Variants in SOX30 observed in about 807,000 individuals in gnomAD.
SOX30 encodes the protein transcription factor SOX-30.
Under a neutral mutation model 58.6 loss-of-function variants are expected in SOX30, and 17 were observed. The observed-to-expected ratio is 0.29, with a 90% CI of 0.20 to 0.44. The LOEUF (loss-of-function observed/expected upper bound fraction) is 0.44. Among genes scored for constraint, SOX30 ranks in the 20% least tolerant of loss-of-function variants. The probability of loss-of-function intolerance (pLI) is 1.00; values close to 1 mark genes in which losing one functional copy is unlikely to be tolerated. For synonymous variants in SOX30, 421 were observed against 400.2 expected (o/e 1.05, Z -0.62); for missense variants, 951 against 965.8 (o/e 0.98, Z 0.20).
At chr5:157,645,397 T>C (rs1175420846) in intron 3 of SOX30, among the ~76,000 whole-genome samples, 1 of 152,066 alleles carries the variant, frequency 6.6e-6, no homozygotes, top group Non-Finnish European at 1.5e-5. Flanking sequence ...GATATGGTGG[T>C]TCACACTTAT....
At chr5:157,629,062 A>T (rs745522206) in intron 4 of SOX30, among the ~76,000 whole-genome samples, 15 of 152,188 alleles carry the variant, frequency 9.9e-5, no homozygotes, top group Non-Finnish European at 2.2e-4. Context: ...ATACAGTTAG[A>T]TAGAAGATGT....
chr5:157,649,114 A>G (rs916289899), intron 1 of SOX30, among the ~76,000 whole-genome samples: 2 of 152,026 alleles, frequency 1.3e-5, no homozygotes, highest in Non-Finnish European at 2.9e-5. Flanking sequence ...CTTTTCCTCA[A>G]AGAGGATAAT....
chr5:157,647,671 G>A (rs959518861), intron 2 of SOX30, among the ~76,000 whole-genome samples: 2 of 151,716 alleles, frequency 1.3e-5, no homozygotes, highest in African/African-American at 4.8e-5. Flanking sequence ...TCTCCTGCCT[G>A]AGCCTCCCAA....
intron 4 of SOX30, among the ~76,000 whole-genome samples, chr5:157,631,051 A>G (rs1439058743): frequency 2.7e-4 from 11 of 40,692 alleles, no homozygotes; most frequent in African/African-American, 8.6e-4. Context: ...TATATTTTAT[A>G]TATATATATA....
chr5:157,660,228 A>G (rs1235789305), intron 2 of SOX30, among the ~76,000 whole-genome samples: 3 of 152,190 alleles, frequency 2.0e-5, no homozygotes, highest in South Asian at 2.1e-4. Context: ...TTAGACCGAC[A>G]TGGGCAACGT....
intron 2 of SOX30, among the ~76,000 whole-genome samples, chr5:157,664,616 T>G (rs568588398): frequency 6.6e-6 from 1 of 152,234 alleles, no homozygotes; most frequent in African/African-American, 2.4e-5. Context: ...CTAATTAAAC[T>G]AAAGAGCTTC....
intron 2 of SOX30, among the ~76,000 whole-genome samples, chr5:157,662,754 T>C (rs1759600767): frequency 1.3e-5 from 2 of 152,212 alleles, no homozygotes; most frequent in Admixed American, 6.5e-5. Context: ...AAACCTTATA[T>C]CTGATAAGAA....
chr5:157,630,695 T>C (rs1446671192), intron 4 of SOX30, among the ~76,000 whole-genome samples: 1 of 151,444 alleles, frequency 6.6e-6, no homozygotes, highest in Non-Finnish European at 1.5e-5. Flanking sequence ...CTATTTTCAG[T>C]TCTGCCTTAG....
chr5:157,651,886 G>A lies in SOX30; in HGVS notation c.193C>T (p.Pro65Ser), dbSNP rs950501562. ...CGEAVASGLQPAVRRLLQVKP... is the reference protein window; with the variant it reads ...CGEAVASGLQSAVRRLLQVKP... The stretch of plus-strand genomic sequence containing the variant: ...ACCTGCAGCAGCCGCCGCACCGCGG[G>A]CTGTAAGCCGGACGCCACTGCCTCC... Residue 65 changes from proline (P) to serine (S), a missense_variant, in exon 1 of 5, where the codon CCC becomes TCC. Physicochemically the swap from Pro to Ser is moderately conservative, Grantham distance 74. Around this residue, in one of 7 missense-constraint regions of SOX30, gnomAD observed 363 missense variants for 294.5 expected, o/e 1.23. Transcript: ENST00000265007. 3.2e-6 allele frequency: 5 copies of A among 1,544,798 alleles called. No homozygotes were observed. The African/African-American group carries it at 4.1e-5, about 13-fold the overall frequency.
At chr5:157,628,666 G>C (rs1476832801) in intron 4 of SOX30, among the ~76,000 whole-genome samples, 1 of 141,814 alleles carries the variant, frequency 7.1e-6, no homozygotes, top group Non-Finnish European at 1.5e-5. Flanking sequence ...TTTTGAGACA[G>C]AGTCTCGCTC....
chr5:157,626,589 A>C lies in SOX30; in HGVS notation c.2013T>G (p.Ser671=), dbSNP rs1191197018. Residue 671 remains serine (S), a synonymous_variant, in exon 5 of 5, where the codon TCT becomes TCG. Coordinates refer to ENST00000265007, the MANE Select transcript of SOX30 (RefSeq NM_178424.2). The stretch of plus-strand genomic sequence containing the variant: ...TGCATTCACTTGAGTAGTCTCTAAA[A>C]GAATAGTCTCTATTTAAAGTTGAAA... ...GIFSTLNRDY[S]FRDYSSECTH... 1 of 1,614,196 alleles carries C rather than the reference A, an allele frequency of 6.2e-7. No homozygotes were observed. Among genetic ancestry groups the C allele is most frequent in the South Asian group, 1.1e-5 (1 of 91,078 alleles).
rs745813885 is a variant in SOX30, at chr5:157,651,952, G to C, written c.127C>G (p.Leu43Val). The C allele has an allele frequency of 6.8e-7, 1 of 1,479,278 alleles. No homozygotes were observed. Among genetic ancestry groups the C allele is most frequent in the Non-Finnish European group, 8.9e-7 (1 of 1,119,864 alleles). The allele number at this position is 1,479,278 out of a possible 1,614,324, so 91.6% of individuals were successfully genotyped here. A position where few individuals can be genotyped will look rare whatever the true frequency, so the allele number is the denominator to read the frequency against. Reference sequence around the variant, plus strand: ...AAGGTCGCACTGGCTGCCGCGCTCAGTGTGGGAGACGACGGAGGGGGCTCC... The same window carrying C: ...AAGGTCGCACTGGCTGCCGCGCTCACTGTGGGAGACGACGGAGGGGGCTCC... Reference protein sequence around the residue: ...AMEPPPSSPTLSAAASATLAS... With the variant: ...AMEPPPSSPTVSAAASATLAS... Residue 43 changes from leucine (L) to valine (V), a missense_variant, in exon 1 of 5, where the codon CTG (leucine) becomes GTG (valine). Leu to Val is a conservative substitution (Grantham distance 32). Around this residue, in one of 7 missense-constraint regions of SOX30, gnomAD observed 363 missense variants for 294.5 expected, o/e 1.23. Coordinates refer to ENST00000265007, the MANE Select transcript of SOX30 (RefSeq NM_178424.2).
chr5:157,666,664 A>C (rs1330680675), intron 2 of SOX30, among the ~76,000 whole-genome samples: 1 of 152,092 alleles, frequency 6.6e-6, no homozygotes, highest in Admixed American at 6.5e-5. Flanking sequence ...AATCCTCCCA[A>C]CAGCAGAATA....
chr5:157,632,983 G>A (rs1758847172), intron 4 of SOX30, among the ~76,000 whole-genome samples: 2 of 152,142 alleles, frequency 1.3e-5, no homozygotes, highest in South Asian at 2.1e-4. Context: ...TAGCTACTCA[G>A]GAGGCTGAGG....
At chr5:157,653,624 AAAAC>A (rs1201134772), upstream of SOX30, among the ~76,000 whole-genome samples, 1 of 152,232 alleles carries the variant, frequency 6.6e-6, no homozygotes, top group Non-Finnish European at 1.5e-5. Flanking sequence ...ATCACCAAGA[AAAAC>A]AAAAAGAAAT....
In SOX30 at chr5:157,631,041, TATATTTTATATATATATATATATATATAC is replaced by T. The variant is rs1758787713; in HGVS notation, c.1881-4349_1881-4321del. Among the ~76,000 whole-genome samples, 4 of 44,866 alleles carry T rather than the reference TATATTTTATATATATATATATATATATAC, an allele frequency of 8.9e-5. No individual in the cohort carries two copies. In the Admixed American group the frequency reaches 9.3e-4, roughly 10 times the overall value. 29.4% of individuals were successfully genotyped at this position (44,866 alleles called of 152,430 possible). A position where few individuals can be genotyped will look rare whatever the true frequency, so the allele number is the denominator to read the frequency against. ...ATATTTTATATATATATACAATATA[TATATTTTATATATATATATATATATATAC>T]ACACAATATATGTATTTTATATATG... On this transcript the variant is annotated intron_variant, in intron 4 of 4. Transcript: ENST00000265007.
In SOX30 at chr5:157,646,642, G is replaced by GGATGAGTGATGT. The variant is rs1561584321; in HGVS notation, c.1381_1382insACATCACTCATC (p.His460_Pro461insHisIleThrHis). 6 of 1,597,312 alleles carry GGATGAGTGATGT rather than the reference G, an allele frequency of 3.8e-6. No individual in the cohort carries two copies. The highest frequency in any genetic ancestry group is 4.3e-6 in the Non-Finnish European group (5 of 1,173,508). On this transcript the variant is annotated inframe_insertion, in exon 3 of 5. Coordinates refer to ENST00000265007, the MANE Select transcript of SOX30 (RefSeq NM_178424.2). ...CTACAATAAAACTAACTCACCAACTGGATGAGTGATGGGATTCTGTAGGCT... is the reference window on the plus strand; with the variant it reads ...CTACAATAAAACTAACTCACCAACTGGATGAGTGATGTGATGAGTGATGGGATTCTGTAGGCT...
At position 157,651,806 on chromosome 5, in the gene SOX30, G is replaced by A. The variant is rs1347420661; in HGVS notation, c.273C>T (p.Ala91=). The stretch of plus-strand genomic sequence containing the variant: ...GCCGCGCCTGCGCGGACGAGGCAGC[G>A]GCTTCCTCGTTCTGGGCCTGAGGCT... The part of the protein sequence containing the change: ...LPQPQAQNEE[A]AASSAQARLL... Residue 91 remains alanine (A), a synonymous_variant, in exon 1 of 5, where the codon GCC becomes GCT. Coordinates refer to ENST00000265007, the MANE Select transcript of SOX30 (RefSeq NM_178424.2). 2 of 1,582,536 alleles carry A rather than the reference G, an allele frequency of 1.3e-6. No individual in the cohort carries two copies. The highest frequency in any genetic ancestry group is 1.8e-5 in the Admixed American group (1 of 56,270).
chr5:157,656,814 T>G (rs1759481498), upstream of SOX30, among the ~76,000 whole-genome samples: 1 of 152,236 alleles, frequency 6.6e-6, no homozygotes, highest in Non-Finnish European at 1.5e-5. Flanking sequence ...GCTGAAGGTT[T>G]AAGAAAGTTT....
Sources: gnomAD v4.1 joint callset for allele counts (sites outside exome capture counted in the v4.1 genomes callset) on GRCh38, gnomAD v4.1.1 for gene constraint, gnomAD v4.1.1 regional missense constraint, MANE v1.5 for transcripts, NCBI Gene and HGNC (gene_info 2026-07-23, HGNC 2026-07-21) for gene names.